NTRK2: variants seen among roughly 807,000 people sequenced by gnomAD.
NTRK2 encodes the protein neurotrophic receptor tyrosine kinase 2.
A neutral mutation model predicts 94.5 loss-of-function variants in NTRK2; 13 were observed. The observed-to-expected ratio is 0.14, with a 90% confidence interval of 0.09 to 0.22. The LOEUF is 0.22. NTRK2 is among the 10% of genes least tolerant of loss of function. The probability of loss-of-function intolerance (pLI) is 1.00; values close to 1 mark genes in which losing one functional copy is unlikely to be tolerated. For synonymous variants in NTRK2, 372 were observed against 407.4 expected (o/e 0.91, Z 1.05); for missense variants, 639 against 1,071.2 (o/e 0.60, Z 5.63).
rs1189261278 is a variant in NTRK2, at chr9:84,670,702, C to T, written c.-47C>T. 8 of 1,590,108 alleles carry T rather than the reference C, an allele frequency of 5.0e-6. No individual in the cohort carries two copies. Among genetic ancestry groups the T allele is most frequent in the Non-Finnish European group, 6.0e-6 (7 of 1,164,626 alleles). ...CCCCGCACGGGTGGGGGAAAGCGGC[C>T]GGTGCAGCGCGGGGACAGGCACTCG... On this transcript the variant is annotated 5_prime_UTR_variant, in exon 2 of 19. Transcript: ENST00000277120.
chr9:84,730,464 G>A (rs2062764409), intron 9 of NTRK2, among the ~76,000 whole-genome samples: 2 of 127,230 alleles, frequency 1.6e-5, no homozygotes, highest in Non-Finnish European at 3.2e-5. Context: ...AAATAGGCCG[G>A]GCGCGGTGGC....
intron 12 of NTRK2, among the ~76,000 whole-genome samples, chr9:84,851,509 A>G (rs2074768454): frequency 6.6e-6 from 1 of 152,212 alleles, no homozygotes; most frequent in African/African-American, 2.4e-5. Flanking sequence ...CATTATGGGA[A>G]CTTCCTAACA....
At chr9:85,009,027 C>G (rs556028541) in intron 17 of NTRK2, among the ~76,000 whole-genome samples, 1 of 152,166 alleles carries the variant, frequency 6.6e-6, no homozygotes, top group Non-Finnish European at 1.5e-5. Flanking sequence ...GATTTATTTA[C>G]GTTCAGCTAG....
At chr9:84,980,101 T>C (rs564597878) in intron 17 of NTRK2, among the ~76,000 whole-genome samples, 21 of 152,342 alleles carry the variant, frequency 1.4e-4, no homozygotes, top group South Asian at 1.0e-3. Flanking sequence ...CTCTGAGGCA[T>C]GTCTGTACTC....
intron 14 of NTRK2, among the ~76,000 whole-genome samples, chr9:84,918,804 A>G (rs1213371508): frequency 6.6e-6 from 1 of 152,182 alleles, no homozygotes; most frequent in Non-Finnish European, 1.5e-5. Flanking sequence ...TATTTTCATC[A>G]CTACCACTAT....
At chr9:84,985,474 ATATTCACAGTACAGCCTAAAGGTCTGT>A (rs1460126710) in intron 17 of NTRK2, among the ~76,000 whole-genome samples, 1 of 152,216 alleles carries the variant, frequency 6.6e-6, no homozygotes, top group Non-Finnish European at 1.5e-5. Context: ...AACTTGCTTA[ATATTCACAGTACAGCCTAAAGGTCTGT>A]TAATCGCTGG....
chr9:84,724,101 G>A, intron 7 of NTRK2, 123 bp from the exon 8 acceptor site: 1 of 1,023,668 alleles, frequency 9.8e-7, no homozygotes, highest in Non-Finnish European at 1.5e-6. Context: ...CCCAGTTCAG[G>A]CAGAGAAGCT....
intron 16 of NTRK2, among the ~76,000 whole-genome samples, chr9:84,952,137 C>G (rs1013069116): frequency 6.6e-6 from 1 of 152,178 alleles, no homozygotes; most frequent in Non-Finnish European, 1.5e-5. Context: ...GGGTATAAAC[C>G]ATCCTTGCCG....
chr9:84,786,987 A>G (rs1365927146), intron 12 of NTRK2, among the ~76,000 whole-genome samples: 1 of 151,956 alleles, frequency 6.6e-6, no homozygotes, highest in Non-Finnish European at 1.5e-5. Flanking sequence ...GCTATCAAAG[A>G]CAATGCAGAT....
intron 5 of NTRK2, among the ~76,000 whole-genome samples, chr9:84,709,451 T>A (rs901600679): frequency 1.2e-4 from 18 of 152,174 alleles, no homozygotes; most frequent in Non-Finnish European, 2.6e-4. Context: ...ATTCCATATC[T>A]CATAACATCA....
At chr9:84,811,187 T>G in intron 12 of NTRK2, 2 of 1,062,626 alleles carry the variant, frequency 1.9e-6, no homozygotes, top group Non-Finnish European at 2.3e-6. Context: ...TAAAAGGTTA[T>G]TTCCTTCACT....
intron 12 of NTRK2, among the ~76,000 whole-genome samples, chr9:84,774,507 C>G (rs1380761264): frequency 6.6e-6 from 1 of 152,186 alleles, no homozygotes; most frequent in Admixed American, 6.5e-5. Flanking sequence ...TTGCCCAAAG[C>G]TGCAAGGCTG....
chr9:84,756,608 G>T (rs183065940), intron 12 of NTRK2, among the ~76,000 whole-genome samples: 2 of 152,296 alleles, frequency 1.3e-5, no homozygotes, highest in Admixed American at 6.5e-5. Flanking sequence ...TACTAATGCA[G>T]CCTTTGTCAC....
intron 17 of NTRK2, among the ~76,000 whole-genome samples, chr9:84,956,327 TACAG>T (rs558540994): frequency 6.6e-6 from 1 of 152,322 alleles, no homozygotes; most frequent in South Asian, 2.1e-4. Context: ...GAGGCAGAGT[TACAG>T]ACAGTGACTC....
intron 14 of NTRK2, chr9:84,871,974 G>T: frequency 6.4e-7 from 1 of 1,567,236 alleles, no homozygotes; most frequent in Non-Finnish European, 8.6e-7. Context: ...AGCCAAGCAA[G>T]AAGTTGCCTT....
chr9:84,749,739 T>C lies in NTRK2; in HGVS notation c.1297-2247T>C, dbSNP rs186857666. Among the ~76,000 whole-genome samples, 6 of 152,314 alleles carry C rather than the reference T, an allele frequency of 3.9e-5. No homozygotes were observed. In the East Asian group the frequency reaches 9.6e-4, roughly 24 times the overall value. On this transcript the variant is annotated intron_variant, in intron 11 of 18. Transcript: ENST00000277120. ...TATTCTCCATCTTACACATGAAGAT[T>C]ATGAGATGCAGAGAGGTTAAGTAAT...
At chr9:84,728,139 A>ACC (rs755962138) in intron 9 of NTRK2, among the ~76,000 whole-genome samples, 180 bp downstream of exon 9, 9 of 152,172 alleles carry the variant, frequency 5.9e-5, no homozygotes, top group Non-Finnish European at 1.2e-4. Context: ...TTATTGTGGA[A>ACC]TTCAGGGTCA....
intron 12 of NTRK2, among the ~76,000 whole-genome samples, chr9:84,761,285 G>C (rs1201862042): frequency 1.3e-5 from 2 of 152,184 alleles, no homozygotes; most frequent in African/African-American, 4.8e-5. Flanking sequence ...AAGGAAGGAA[G>C]GGGGAGGTGA....
chr9:84,839,632 C>T (rs1299977865), intron 12 of NTRK2, among the ~76,000 whole-genome samples: 15 of 152,094 alleles, frequency 9.9e-5, no homozygotes, highest in Non-Finnish European at 2.2e-4. Flanking sequence ...TCGGGCTGAG[C>T]GTTAGTTTTT....
Sources: gnomAD v4.1 joint callset for allele counts (sites outside exome capture counted in the v4.1 genomes callset) on GRCh38, gnomAD v4.1.1 for gene constraint, MANE v1.5 for transcripts, NCBI Gene and HGNC (gene_info 2026-07-23, HGNC 2026-07-21) for gene names.